ANO4: variants seen among roughly 807,000 people sequenced by gnomAD.
ANO4 encodes anoctamin-4.
ANO4 carries 69 observed loss-of-function variants against 141.9 expected under a neutral mutation model. The ratio of observed to expected loss-of-function variants is 0.49; its 90% CI spans 0.40 to 0.59. The LOEUF (loss-of-function observed/expected upper bound fraction) is 0.59. Among genes scored for constraint, ANO4 ranks in the 20% least tolerant of loss-of-function variants. The pLI, the probability that ANO4 is intolerant of heterozygous loss-of-function variation, is 0.00. For synonymous variants in ANO4, 350 were observed against 394.3 expected (o/e 0.89, Z 1.33); for missense variants, 894 against 1,162.2 (o/e 0.77, Z 3.36).
At chr12:100,798,605 T>A (rs1408786382) in intron 1 of ANO4, among the ~76,000 whole-genome samples, 3 of 152,212 alleles carry the variant, frequency 2.0e-5, no homozygotes, top group Non-Finnish European at 4.4e-5. Context: ...CTCAGTAGCA[T>A]AATAATCTAT....
intron 22 of ANO4, among the ~76,000 whole-genome samples, chr12:101,105,242 C>T (rs1238329814): frequency 6.6e-6 from 1 of 152,148 alleles, no homozygotes; most frequent in Non-Finnish European, 1.5e-5. Context: ...CTGTGACCAG[C>T]TTTAAGTGAT....
chr12:100,846,208 A>C (rs1241998462), intron 1 of ANO4, among the ~76,000 whole-genome samples: 1 of 152,222 alleles, frequency 6.6e-6, no homozygotes, highest in Non-Finnish European at 1.5e-5. Context: ...AATTAGTAGT[A>C]AGCTGAAAAA....
chr12:100,979,145 G>A (rs2044337992), intron 7 of ANO4, among the ~76,000 whole-genome samples: 2 of 152,112 alleles, frequency 1.3e-5, no homozygotes, highest in South Asian at 4.1e-4. Flanking sequence ...AGAGAGGGTG[G>A]TGTCAAAGGC....
chr12:100,813,268 T>C (rs1187402656), intron 1 of ANO4, among the ~76,000 whole-genome samples: 1 of 152,106 alleles, frequency 6.6e-6, no homozygotes, highest in African/African-American at 2.4e-5. Context: ...GCATAGAAAA[T>C]TGTTTGGACC....
intron 1 of ANO4, among the ~76,000 whole-genome samples, chr12:100,847,751 G>T (rs550406284): frequency 1.3e-5 from 2 of 152,224 alleles, no homozygotes; most frequent in Admixed American, 6.5e-5. Context: ...GATTACAGGC[G>T]TGAGCCAAGA....
intron 3 of ANO4, among the ~76,000 whole-genome samples, chr12:100,925,416 G>A (rs1265044936): frequency 5.3e-5 from 8 of 151,710 alleles, no homozygotes; most frequent in Non-Finnish European, 1.2e-4. Context: ...TTATAAGTGA[G>A]AACATGCGGT....
intron 8 of ANO4, among the ~76,000 whole-genome samples, chr12:101,016,396 T>C (rs1244813300): frequency 6.6e-6 from 1 of 151,978 alleles, no homozygotes; most frequent in African/African-American, 2.4e-5. Context: ...TTACATAAAC[T>C]ACCAGAGTGA....
At chr12:100,855,994 G>C (rs939041053) in intron 1 of ANO4, among the ~76,000 whole-genome samples, 1 of 152,166 alleles carries the variant, frequency 6.6e-6, no homozygotes, top group African/African-American at 2.4e-5. Context: ...TTCAGCCAGG[G>C]ATAGAGGAAG....
At chr12:101,112,621 G>C (rs534870777) in intron 24 of ANO4, among the ~76,000 whole-genome samples, 17 of 152,260 alleles carry the variant, frequency 1.1e-4, no homozygotes, top group African/African-American at 3.6e-4. Context: ...ACTAGCCTGA[G>C]CCAGATTGAT....
intron 1 of ANO4, among the ~76,000 whole-genome samples, chr12:100,830,960 G>C (rs17030634): frequency 0.041 from 6,226 of 152,050 alleles, 290 homozygotes; most frequent in East Asian, 0.21. Context: ...CTTATGGAAA[G>C]TAAGCTAGAC....
intron 1 of ANO4, among the ~76,000 whole-genome samples, chr12:100,884,757 C>T (rs376999965): frequency 1.4e-3 from 209 of 152,226 alleles, no homozygotes; most frequent in African/African-American, 4.9e-3. Context: ...TGCAGTGGTG[C>T]GATCTCAGCT....
chr12:100,820,046 G>T (rs976704331), intron 1 of ANO4, among the ~76,000 whole-genome samples: 11 of 151,878 alleles, frequency 7.2e-5, no homozygotes, highest in Non-Finnish European at 1.2e-4. Flanking sequence ...TATAGGCTCT[G>T]TCTTTGGGTT....
chr12:101,033,313 G>C (rs1593073981), intron 9 of ANO4, among the ~76,000 whole-genome samples: 2 of 148,046 alleles, frequency 1.4e-5, no homozygotes, highest in South Asian at 4.4e-4. Context: ...TCTGGGGACT[G>C]TTGTGGGGTG....
intron 5 of ANO4, among the ~76,000 whole-genome samples, chr12:100,953,970 C>T (rs2043078117): frequency 6.6e-6 from 1 of 152,112 alleles, no homozygotes; most frequent in African/African-American, 2.4e-5. Context: ...GGAAAAAAGT[C>T]AAGTGCACGA....
At chr12:101,040,806 A>G (rs1230323859) in intron 11 of ANO4, among the ~76,000 whole-genome samples, 2 of 122,204 alleles carry the variant, frequency 1.6e-5, no homozygotes, top group African/African-American at 3.2e-5. Flanking sequence ...CCCTGTGTCC[A>G]TGTGTTCTCA....
chr12:100,756,048 A>G (rs1279778364), intron 3 of ANO4, among the ~76,000 whole-genome samples: 2 of 152,170 alleles, frequency 1.3e-5, no homozygotes, highest in Non-Finnish European at 2.9e-5. Flanking sequence ...TATTTTAATT[A>G]CGTTTATTAT....
intron 1 of ANO4, among the ~76,000 whole-genome samples, chr12:100,885,974 C>T (rs938754328): frequency 1.6e-4 from 24 of 152,152 alleles, no homozygotes; most frequent in Non-Finnish European, 2.1e-4. Context: ...ATATTCCATC[C>T]GTGTTCTTAT....
chr12:101,036,224 A>G (rs1369119975), intron 9 of ANO4, among the ~76,000 whole-genome samples: 2 of 152,122 alleles, frequency 1.3e-5, no homozygotes, highest in African/African-American at 4.8e-5. Context: ...TGTGGAGAAA[A>G]GGAAACACTT....
chr12:101,112,884 T>C (rs2050713941), intron 24 of ANO4, among the ~76,000 whole-genome samples: 1 of 152,244 alleles, frequency 6.6e-6, no homozygotes, highest in African/African-American at 2.4e-5. Flanking sequence ...TTAGTGAGCA[T>C]ACCATCCCAT....
Sources: allele counts gnomAD v4.1 joint callset (sites outside exome capture counted in the v4.1 genomes callset), GRCh38; gene constraint gnomAD v4.1.1; transcripts MANE v1.5; gene names NCBI Gene and HGNC (gene_info 2026-07-23, HGNC 2026-07-21).